LRRFIP2: variants seen among roughly 807,000 people sequenced by gnomAD.
LRRFIP2 encodes the protein leucine-rich repeat flightless-interacting protein 2.
LRRFIP2 carries 109 observed loss-of-function variants against 125.9 expected under a neutral mutation model. The ratio of observed to expected loss-of-function variants is 0.87; its 90% CI spans 0.74 to 1.01. The LOEUF (loss-of-function observed/expected upper bound fraction) is 1.01. Among genes scored for constraint, LRRFIP2 ranks in the 50% least tolerant of loss-of-function variants. LRRFIP2 has a pLI of 0.00. For synonymous variants in LRRFIP2, 291 were observed against 293.1 expected, an observed-to-expected ratio of 0.99 and a Z score of 0.07; for missense variants, 850 against 862.3, an observed-to-expected ratio of 0.99 and a Z score of 0.18.
At chr3:37,139,048 G>C (rs1577298964) in intron 2 of LRRFIP2, among the ~76,000 whole-genome samples, 1 of 152,196 alleles carries the variant, frequency 6.6e-6, no homozygotes, top group East Asian at 1.9e-4. Flanking sequence ...CTAGCAGGTA[G>C]CATACACTGT....
chr3:37,062,446 C>A (rs181494098), intron 24 of LRRFIP2, among the ~76,000 whole-genome samples: 1 of 152,096 alleles, frequency 6.6e-6, no homozygotes, highest in East Asian at 1.9e-4. Flanking sequence ...AGAAATTTTC[C>A]CAGAACTAAA....
intron 4 of LRRFIP2, among the ~76,000 whole-genome samples, 164 bp from the exon 5 acceptor site, chr3:37,121,855 TGTG>T (rs2095060728): frequency 9.8e-6 from 1 of 101,852 alleles, no homozygotes; most frequent in African/African-American, 3.0e-5. Context: ...TGTGTGTGTG[TGTG>T]TGTGTGTGTG....
At chr3:37,073,239 G>A (rs1364185589) in intron 20 of LRRFIP2, among the ~76,000 whole-genome samples, 1 of 152,126 alleles carries the variant, frequency 6.6e-6, no homozygotes, top group African/African-American at 2.4e-5. Flanking sequence ...TTCCTAGAGA[G>A]GGAAATTTAG....
chr3:37,105,841 G>A (rs964619829), intron 13 of LRRFIP2, among the ~76,000 whole-genome samples: 2 of 152,176 alleles, frequency 1.3e-5, no homozygotes, highest in African/African-American at 4.8e-5. Context: ...AAGGTGGGTG[G>A]ATTGCTTGAG....
chr3:37,076,717 T>C (rs2092076117), intron 19 of LRRFIP2, among the ~76,000 whole-genome samples: 1 of 151,664 alleles, frequency 6.6e-6, no homozygotes, highest in African/African-American at 2.4e-5. Context: ...AAATACAAAA[T>C]TAGTCAGGCG....
chr3:37,158,077 G>A (rs1027775502), intron 1 of LRRFIP2, among the ~76,000 whole-genome samples: 1 of 152,126 alleles, frequency 6.6e-6, no homozygotes, highest in Non-Finnish European at 1.5e-5. Context: ...TGGGCTATAT[G>A]TTGGACATAA....
At chr3:37,151,588 CT>C (rs891172583) in intron 1 of LRRFIP2, among the ~76,000 whole-genome samples, 42 of 145,184 alleles carry the variant, frequency 2.9e-4, no homozygotes, top group African/African-American at 7.1e-4. Context: ...ATGAAGATTT[CT>C]TTTTTTTTTC....
Position 37,065,805 on chromosome 3 carries a change from C to T in LRRFIP2, c.1699+5G>A, listed in dbSNP as rs2090013775. 1 of 1,614,056 alleles carries T rather than the reference C, an allele frequency of 6.2e-7. No homozygotes were observed. On this transcript the variant is annotated splice_donor_5th_base_variant and intron_variant, in intron 23 of 27. Coordinates refer to ENST00000336686, the MANE Select transcript of LRRFIP2 (RefSeq NM_006309.4). The stretch of plus-strand genomic sequence containing the variant: ...TCCAAGTCAACATAGCAACCAGTAT[C>T]TTACCTAATGGCCCTTCTCCTGCTG...
intron 6 of LRRFIP2, among the ~76,000 whole-genome samples, chr3:37,117,953 G>A (rs867590254): frequency 6.6e-6 from 1 of 152,030 alleles, no homozygotes; most frequent in Non-Finnish European, 1.5e-5. Context: ...ACACAAAATT[G>A]TAAGTATATT....
At chr3:37,162,635 C>T (rs150776547) in intron 1 of LRRFIP2, among the ~76,000 whole-genome samples, 1 of 152,218 alleles carries the variant, frequency 6.6e-6, no homozygotes, top group Non-Finnish European at 1.5e-5. Context: ...AACTGAAAAA[C>T]CAACAGAGAG....
chr3:37,135,141 T>C, intron 2 of LRRFIP2: 2 of 1,189,600 alleles, frequency 1.7e-6, no homozygotes, highest in South Asian at 1.3e-5. Flanking sequence ...GCATTATAGC[T>C]GGAATAAACT....
At chr3:37,095,321 CTTCT>C (rs2093663455) in intron 16 of LRRFIP2, among the ~76,000 whole-genome samples, 1 of 152,130 alleles carries the variant, frequency 6.6e-6, no homozygotes, top group African/African-American at 2.4e-5. Flanking sequence ...TTATCAATCT[CTTCT>C]TTCTCTAATA....
intron 1 of LRRFIP2, among the ~76,000 whole-genome samples, chr3:37,167,382 G>A (rs1164346870): frequency 6.6e-6 from 1 of 151,820 alleles, no homozygotes; most frequent in African/African-American, 2.4e-5. Context: ...CAGGCCGGGT[G>A]CAGTGGCTCA....
Position 37,109,747 on chromosome 3 carries a change from G to A in LRRFIP2, c.514-44C>T, listed in dbSNP as rs750092377. ...ATAAATAAGCAAAAACAAAAACAAA[G>A]ATGAATTGGTCTCACCATCATGAAT... On this transcript the variant is annotated intron_variant, in intron 9 of 27. Coordinates refer to ENST00000336686, the MANE Select transcript of LRRFIP2 (RefSeq NM_006309.4). 2.0e-5 allele frequency: 31 copies of A among 1,555,042 alleles called. No homozygotes were observed. In the Admixed American group the frequency reaches 5.2e-4, roughly 26 times the overall value.
chr3:37,086,590 A>G (rs2093063566), intron 18 of LRRFIP2, among the ~76,000 whole-genome samples: 2 of 152,238 alleles, frequency 1.3e-5, no homozygotes, highest in South Asian at 4.1e-4. Context: ...TATTGAATAT[A>G]TTATGCTAAA....
At chr3:37,093,438 A>G (rs116444106) in intron 17 of LRRFIP2, among the ~76,000 whole-genome samples, 1,661 of 151,538 alleles carry the variant, frequency 0.011, 38 homozygotes, top group African/African-American at 0.037. Context: ...AATAATAATC[A>G]CTCTCACCTT....
chr3:37,088,285 T>C (rs1274961096), intron 18 of LRRFIP2, among the ~76,000 whole-genome samples: 2 of 152,200 alleles, frequency 1.3e-5, no homozygotes, highest in African/African-American at 2.4e-5. Flanking sequence ...CTACAGTCTA[T>C]TAACTCTTGA....
chr3:37,069,944 G>A (rs1197418192), intron 21 of LRRFIP2, among the ~76,000 whole-genome samples: 1 of 152,078 alleles, frequency 6.6e-6, no homozygotes, highest in Admixed American at 6.6e-5. Flanking sequence ...TTAAGGCTAT[G>A]ACTATAAAAA....
intron 6 of LRRFIP2, among the ~76,000 whole-genome samples, chr3:37,116,433 T>C (rs1307775827): frequency 1.3e-5 from 2 of 152,090 alleles, no homozygotes; most frequent in East Asian, 3.9e-4. Context: ...CACCGTACCC[T>C]GCCCTCAACC....
Sources: gnomAD v4.1 joint callset for allele counts (sites outside exome capture counted in the v4.1 genomes callset) on GRCh38, gnomAD v4.1.1 for gene constraint, MANE v1.5 for transcripts, NCBI Gene and HGNC (gene_info 2026-07-23, HGNC 2026-07-21) for gene names.